The following IL3RA variants were observed in gnomAD, a reference collection of about 807,000 sequenced individuals.
IL3RA encodes the protein interleukin-3 receptor subunit alpha.
Under a neutral mutation model 52.3 loss-of-function variants are expected in IL3RA, and 73 were observed. The ratio of observed to expected loss-of-function variants is 1.40; its 90% confidence interval spans 1.16 to 1.70. The LOEUF (loss-of-function observed/expected upper bound fraction) is 1.70, where lower values mean the gene tolerates loss of function less well. IL3RA is among the 40% of genes most tolerant of loss of function. The pLI, the probability that IL3RA is intolerant of heterozygous loss-of-function variation, is 0.00. For synonymous variants in IL3RA, 260 were observed against 194.0 expected, an observed-to-expected ratio of 1.34 and a Z score of -2.83; for missense variants, 664 against 504.4, an observed-to-expected ratio of 1.32 and a Z score of -3.03.
chrX:1,341,798 C>T lies in IL3RA; in HGVS notation c.33C>T (p.Ile11=), dbSNP rs144136525. 561 of 1,613,924 alleles carry T rather than the reference C, an allele frequency of 3.5e-4. 2 individuals are homozygous for T. The African/African-American group carries it at 6.4e-3, about 18-fold the overall frequency. ...TCCTTTGGCTCACGCTGCTCCTGAT[C>T]GCCCTGCCCTGTCTCCTGCAAACGA... is the stretch of plus-strand genomic sequence containing the variant. MVLLWLTLLL[I]ALPCLLQTKE... The change falls in exon 2 of 12, where the codon ATC becomes ATT. Residue 11 remains isoleucine (I), a synonymous_variant. Coordinates refer to ENST00000331035, the MANE Select transcript of IL3RA (RefSeq NM_002183.4).
chrX:1,339,849 G>GCACA lies in IL3RA; in HGVS notation c.-38-1878_-38-1875dup, dbSNP rs762401897. 5.2e-3 allele frequency among the ~76,000 whole-genome samples: 790 copies of GCACA among 152,166 alleles called. 10 individuals are homozygous for GCACA. The highest frequency in any genetic ancestry group is 0.017 in the African/African-American group (721 of 41,530). ...CAGAAAAGACAGCTGCCACCCCAGA[G>GCACA]CACAGTGTAGGAGAGCCAGCCTTTC... On this transcript the variant is annotated intron_variant, in intron 1 of 11. Transcript: ENST00000331035.
intron 3 of IL3RA, among the ~76,000 whole-genome samples, chrX:1,347,402 G>C (rs764241052): frequency 6.6e-6 from 1 of 151,252 alleles, no homozygotes; most frequent in Non-Finnish European, 1.5e-5. Flanking sequence ...CCGAGATCGC[G>C]CCACTGCACT....
intron 8 of IL3RA, among the ~76,000 whole-genome samples, chrX:1,361,229 C>G (rs1404424258): frequency 6.6e-6 from 1 of 151,764 alleles, no homozygotes; most frequent in South Asian, 2.1e-4. Context: ...CCCTTTCTCT[C>G]TCCCATTATT....
chrX:1,347,214 G>A (rs1197954046), intron 3 of IL3RA, among the ~76,000 whole-genome samples: 2 of 150,804 alleles, frequency 1.3e-5, no homozygotes, highest in African/African-American at 2.5e-5. Flanking sequence ...TGGAGGCCGA[G>A]GCGGGTGGAT....
chrX:1,349,610 C>T (rs1248452207), intron 4 of IL3RA, among the ~76,000 whole-genome samples: 5 of 152,016 alleles, frequency 3.3e-5, no homozygotes, highest in Admixed American at 6.6e-5. Context: ...CCACGCCTGG[C>T]CTCTTCTTTG....
chrX:1,353,223 A>AC (rs763463906), intron 6 of IL3RA, among the ~76,000 whole-genome samples: 1,655 of 25,350 alleles, frequency 0.065, 12 homozygotes, highest in African/African-American at 0.21. Context: ...GGGTAATAGG[A>AC]CCCCCCCATC....
Position 1,345,394 on chromosome X carries a change from C to A in IL3RA, c.143C>A (p.Thr48Asn). 2 of 1,610,234 alleles carry A rather than the reference C, an allele frequency of 1.2e-6. No homozygotes were observed. Among genetic ancestry groups the A allele is most frequent in the Admixed American group, 3.3e-5 (2 of 59,906 alleles). ...QLTWDLNRNVTDIECVKDADY... is the reference protein window; with the variant it reads ...QLTWDLNRNVNDIECVKDADY... ...ACCTGGGACCTTAACAGAAATGTGACCGATATCGAGTGTGTTAAAGACGCC... is the reference window on the plus strand; with the variant it reads ...ACCTGGGACCTTAACAGAAATGTGAACGATATCGAGTGTGTTAAAGACGCC... Residue 48 changes from threonine to asparagine, a missense_variant, in exon 3 of 12, where the codon ACC (threonine) becomes AAC (asparagine). Thr to Asn is a moderately conservative substitution (Grantham distance 65, BLOSUM62 0). Transcript: ENST00000331035.
intron 8 of IL3RA, among the ~76,000 whole-genome samples, chrX:1,362,649 G>A (rs2087543793): frequency 6.6e-6 from 1 of 152,022 alleles, no homozygotes; most frequent in African/African-American, 2.4e-5. Context: ...ATGGACTAAT[G>A]AGGATCCTTC....
intron 8 of IL3RA, 118 bp from the exon 9 acceptor site, chrX:1,365,020 G>A (rs1220502283): frequency 7.7e-6 from 5 of 646,650 alleles, no homozygotes; most frequent in Non-Finnish European, 1.4e-5. Context: ...TGTTGGCCAG[G>A]CTGGTCTCGA....
At chrX:1,357,947 A>C (rs1174234312) in intron 7 of IL3RA, among the ~76,000 whole-genome samples, 1 of 147,670 alleles carries the variant, frequency 6.8e-6, no homozygotes, top group African/African-American at 2.6e-5. Flanking sequence ...CTAAAAATAC[A>C]AAAAAAAATT....
At chrX:1,347,856 G>C (rs1402746616) in intron 3 of IL3RA, among the ~76,000 whole-genome samples, 2 of 150,448 alleles carry the variant, frequency 1.3e-5, no homozygotes, top group Non-Finnish European at 3.0e-5. Flanking sequence ...GGCTAACACG[G>C]TGAAACCCCG....
chrX:1,353,214 G>A (rs1410316737), intron 6 of IL3RA, among the ~76,000 whole-genome samples: 158 of 111,652 alleles, frequency 1.4e-3, no homozygotes, highest in South Asian at 6.2e-3. Context: ...TTCCATCATG[G>A]GTAATAGGAC....
At chrX:1,356,474 A>G in intron 7 of IL3RA, 138 bp downstream of exon 7, 1 of 636,960 alleles carries the variant, frequency 1.6e-6, no homozygotes. Flanking sequence ...TAAAAAACAA[A>G]AACAAAAACA....
In IL3RA at chrX:1,356,342, C is replaced by T; in HGVS notation, c.732+6C>T. 6.3e-7 allele frequency: 1 copy of T among 1,588,848 alleles called. No individual in the cohort carries two copies. Among genetic ancestry groups the T allele is most frequent in the Non-Finnish European group, 8.6e-7 (1 of 1,157,638 alleles). On this transcript the variant is annotated splice_donor_region_variant and intron_variant, in intron 7 of 11. Coordinates refer to ENST00000331035, the MANE Select transcript of IL3RA (RefSeq NM_002183.4). ...ATGAGCTTCAGATACAAAAGGTAAA[C>T]TTTCACCCCGCCCCCAGCCCCCCCA...
rs757814647 is a variant in IL3RA at position 1,382,478 on chromosome X, GGGCTTGTGGGGGTCTGCCTCAA to G, written c.*14_*35del. On this transcript the variant is annotated 3_prime_UTR_variant, in exon 12 of 12. Coordinates refer to ENST00000331035, the MANE Select transcript of IL3RA (RefSeq NM_002183.4). ...GCAGAAAACTTGAGACTGGGGTTCA[GGGCTTGTGGGGGTCTGCCTCAA>G]TCTCCCTGGCCGGGCCAGGCGCCTG... The G allele has an allele frequency of 7.9e-5, 128 of 1,612,516 alleles. No homozygotes were observed. The African/African-American group carries it at 1.5e-3, about 19-fold the overall frequency.
At chrX:1,364,990 G>T in intron 8 of IL3RA, 148 bp from the exon 9 acceptor site, 1 of 548,490 alleles carries the variant, frequency 1.8e-6, no homozygotes, top group East Asian at 3.2e-5. Flanking sequence ...TGTATTTTTA[G>T]TAGAGACAGG....
intron 7 of IL3RA, among the ~76,000 whole-genome samples, chrX:1,357,702 T>C (rs2086843155): frequency 1.3e-5 from 2 of 152,064 alleles, no homozygotes; most frequent in Admixed American, 6.6e-5. Flanking sequence ...TTATTTCATA[T>C]GCAATTTTTC....
intron 6 of IL3RA, among the ~76,000 whole-genome samples, chrX:1,353,326 ACCCC>A (rs68004442): frequency 3.0e-5 from 4 of 134,754 alleles, no homozygotes; most frequent in African/African-American, 5.9e-5. Flanking sequence ...GGGTCATGGG[ACCCC>A]CCCATCATGG....
At chrX:1,362,130 G>A (rs1162339112) in intron 8 of IL3RA, among the ~76,000 whole-genome samples, 1 of 149,084 alleles carries the variant, frequency 6.7e-6, no homozygotes, top group Non-Finnish European at 1.5e-5. Context: ...GTCTCTCTAT[G>A]TCTCTCTGTT....
Sources: gnomAD v4.1 joint callset for allele counts (sites outside exome capture counted in the v4.1 genomes callset) on GRCh38, gnomAD v4.1.1 for gene constraint, MANE v1.5 for transcripts, NCBI Gene and HGNC (gene_info 2026-07-23, HGNC 2026-07-21) for gene names.